The following TMEM108 variants were observed in gnomAD, a reference collection of about 807,000 sequenced individuals.
TMEM108 encodes the protein cancer/testis antigen 124.
TMEM108 carries 12 observed loss-of-function variants against 35.1 expected under a neutral mutation model. That is an observed-to-expected ratio of 0.34 (90% confidence interval 0.22 to 0.55). TMEM108 has a LOEUF of 0.55. Ranked by LOEUF, TMEM108 falls within the 20% of genes least tolerant of loss-of-function variation. The pLI, the probability that TMEM108 is intolerant of heterozygous loss-of-function variation, is 0.89. For missense variants in TMEM108, 680 were observed against 753.3 expected (o/e 0.90, Z 1.14); for synonymous variants, 287 against 308.6 (o/e 0.93, Z 0.73).
intron 2 of TMEM108, among the ~76,000 whole-genome samples, chr3:133,117,572 C>T (rs1023604112): frequency 6.6e-6 from 1 of 152,164 alleles, no homozygotes; most frequent in African/African-American, 2.4e-5. Context: ...TCACTGCTGA[C>T]CTGGCAGGTT....
chr3:133,381,989 A>G (rs1369158148), intron 4 of TMEM108, among the ~76,000 whole-genome samples: 2 of 152,182 alleles, frequency 1.3e-5, no homozygotes, highest in African/African-American at 4.8e-5. Context: ...ATGAGGAGTC[A>G]GGAGGCATTC....
At chr3:133,311,419 C>CT (rs879548105) in intron 3 of TMEM108, among the ~76,000 whole-genome samples, 13 of 152,290 alleles carry the variant, frequency 8.5e-5, no homozygotes, top group Non-Finnish European at 1.8e-4. Context: ...TCTTTTTACT[C>CT]TTTTTTCTCT....
intron 3 of TMEM108, among the ~76,000 whole-genome samples, chr3:133,304,455 A>AACC (rs397689664): frequency 2.0e-5 from 3 of 151,880 alleles, no homozygotes; most frequent in East Asian, 3.9e-4. Context: ...CCAGTCATAC[A>AACC]TTTCTGTCAC....
chr3:133,130,460 C>T (rs1281488434), intron 2 of TMEM108, among the ~76,000 whole-genome samples: 1 of 152,186 alleles, frequency 6.6e-6, no homozygotes, highest in Non-Finnish European at 1.5e-5. Context: ...AGACAGACAG[C>T]TGGGCTCCTC....
chr3:133,267,480 G>A (rs1362387652), intron 3 of TMEM108, among the ~76,000 whole-genome samples: 3 of 152,172 alleles, frequency 2.0e-5, no homozygotes, highest in Non-Finnish European at 2.9e-5. Context: ...CCAAGAAGAA[G>A]GGCCAGCACT....
At position 133,189,178 on chromosome 3, in the gene TMEM108, A is replaced by G. The variant is rs75199365; in HGVS notation, c.-46-40088A>G. ...TACTTGCATATGTACTCCTAGTCCC[A>G]GAGAAATCTACCTGTGATGTCACCA... is the stretch of plus-strand genomic sequence containing the variant. On this transcript the variant is annotated intron_variant, in intron 2 of 5. Coordinates refer to ENST00000321871, the MANE Select transcript of TMEM108 (RefSeq NM_023943.4). Among the ~76,000 whole-genome samples the G allele has an allele frequency of 7.2e-3, 1,104 of 152,374 alleles. 15 individuals are homozygous for G. The highest frequency in any genetic ancestry group is 0.025 in the African/African-American group (1,050 of 41,592).
chr3:133,335,871 G>A (rs2071487656), intron 3 of TMEM108, among the ~76,000 whole-genome samples: 1 of 152,142 alleles, frequency 6.6e-6, no homozygotes, highest in Non-Finnish European at 1.5e-5. Context: ...GAGCTGCACG[G>A]CACGGAGAAA....
chr3:133,397,330 G>A lies in TMEM108; in HGVS notation c.*1344G>A, dbSNP rs1419573338. 2.0e-5 allele frequency: 3 copies of A among 151,788 alleles called. No homozygotes were observed. Among genetic ancestry groups the A allele is most frequent in the African/African-American group, 7.3e-5 (3 of 41,272 alleles). The allele number at this position is 151,788 out of a possible 1,614,324, so 9.4% of individuals were successfully genotyped here. A position where few individuals can be genotyped will look rare whatever the true frequency, so the allele number is the denominator to read the frequency against. On this transcript the variant is annotated 3_prime_UTR_variant, in exon 6 of 6. Transcript: ENST00000321871. ...ATTGGGAATTGAACTTGAATATTGG[G>A]TCATATGTTTGTGTTGTTGCTGTAG... is the stretch of plus-strand genomic sequence containing the variant.
chr3:133,197,594 G>A (rs944758958), intron 2 of TMEM108, among the ~76,000 whole-genome samples: 2 of 152,118 alleles, frequency 1.3e-5, no homozygotes, highest in Non-Finnish European at 2.9e-5. Flanking sequence ...CTGTACACAC[G>A]TATGTGGGCC....
At position 133,371,613 on chromosome 3, in the gene TMEM108, C is replaced by CAAAAAAAAAAAAAAAAAAAAA. The variant is rs3054624; in HGVS notation, c.41-8133_41-8113dup. ...ATCACTGCAGCCAGTCACAAACCCA[C>CAAAAAAAAAAAAAAAAAAAAA]AAAAAAAAAAAAAAAAAAAAAAAAA... On this transcript the variant is annotated intron_variant, in intron 3 of 5. Transcript: ENST00000321871. 4.1e-4 allele frequency among the ~76,000 whole-genome samples: 32 copies of CAAAAAAAAAAAAAAAAAAAAA among 78,094 alleles called. 3 individuals carry two copies. The highest frequency in any genetic ancestry group is 1.5e-3 in the African/African-American group (25 of 16,944). 51.2% of individuals were successfully genotyped at this position (78,094 alleles called of 152,430 possible).
chr3:133,061,202 G>A (rs1174428726), intron 2 of TMEM108, among the ~76,000 whole-genome samples: 5 of 150,196 alleles, frequency 3.3e-5, no homozygotes, highest in African/African-American at 1.2e-4. Context: ...TTGTACAATG[G>A]GCATGTCTCC....
At chr3:133,240,276 TG>T (rs1946294860) in intron 3 of TMEM108, among the ~76,000 whole-genome samples, 1 of 152,164 alleles carries the variant, frequency 6.6e-6, no homozygotes, top group South Asian at 2.1e-4. Context: ...CTTTCCAAGA[TG>T]ATATTAACCC....
At chr3:133,174,111 G>A (rs1945172760) in intron 2 of TMEM108, among the ~76,000 whole-genome samples, 1 of 152,240 alleles carries the variant, frequency 6.6e-6, no homozygotes, top group Non-Finnish European at 1.5e-5. Flanking sequence ...CAAACTGCAA[G>A]GTGGCAGCGA....
At chr3:133,361,813 C>G (rs772455919) in intron 3 of TMEM108, among the ~76,000 whole-genome samples, 10 of 152,130 alleles carry the variant, frequency 6.6e-5, no homozygotes, top group Non-Finnish European at 1.5e-4. Context: ...TCTCAAAAAC[C>G]TGGCCATATG....
At chr3:133,394,365 T>G (rs1449563715) in intron 5 of TMEM108, among the ~76,000 whole-genome samples, 1 of 152,244 alleles carries the variant, frequency 6.6e-6, no homozygotes, top group Non-Finnish European at 1.5e-5. Flanking sequence ...GACAAAATTG[T>G]GATGCCCAAC....
intron 2 of TMEM108, among the ~76,000 whole-genome samples, chr3:133,051,748 A>G (rs1172557881): frequency 6.6e-6 from 1 of 152,140 alleles, no homozygotes. Context: ...CAATTTTACC[A>G]GCATCATTTG....
At chr3:133,249,409 A>G (rs1434473898) in intron 3 of TMEM108, among the ~76,000 whole-genome samples, 4 of 152,230 alleles carry the variant, frequency 2.6e-5, no homozygotes, top group African/African-American at 9.6e-5. Context: ...AAACGAGAGT[A>G]GGGAACACTC....
At chr3:133,176,496 A>T (rs1945231452) in intron 2 of TMEM108, among the ~76,000 whole-genome samples, 1 of 152,326 alleles carries the variant, frequency 6.6e-6, no homozygotes, top group Non-Finnish European at 1.5e-5. Flanking sequence ...TCAAACTAGA[A>T]CTCAGGATTC....
intron 2 of TMEM108, among the ~76,000 whole-genome samples, chr3:133,108,325 A>G (rs1944183117): frequency 6.6e-6 from 1 of 151,954 alleles, no homozygotes; most frequent in Non-Finnish European, 1.5e-5. Flanking sequence ...CTGGTGTGAG[A>G]TGGTATCTCA....
Sources: gnomAD v4.1 joint callset for allele counts (sites outside exome capture counted in the v4.1 genomes callset) on GRCh38, gnomAD v4.1.1 for gene constraint, MANE v1.5 for transcripts, NCBI Gene and HGNC (gene_info 2026-07-23, HGNC 2026-07-21) for gene names.